The following UNC5C variants were observed in gnomAD, a reference collection of about 807,000 sequenced individuals.
The protein encoded by UNC5C is netrin receptor UNC5C.
In UNC5C, 47 loss-of-function variants were observed where a neutral mutation model predicts 99.8. That is an observed-to-expected ratio of 0.47 (90% CI 0.37 to 0.60). UNC5C has a LOEUF of 0.60. UNC5C is among the 20% of genes least tolerant of loss of function. The probability of loss-of-function intolerance (pLI) is 0.00; values close to 1 mark genes in which losing one functional copy is unlikely to be tolerated. For synonymous variants in UNC5C, 487 were observed against 452.2 expected, an observed-to-expected ratio of 1.08 and a Z score of -0.98; for missense variants, 1,062 against 1,165.9, an observed-to-expected ratio of 0.91 and a Z score of 1.30.
At chr4:95,463,723 AT>A (rs1284916386) in intron 1 of UNC5C, among the ~76,000 whole-genome samples, 2 of 152,192 alleles carry the variant, frequency 1.3e-5, no homozygotes, top group African/African-American at 4.8e-5. Context: ...TTTTAGCAAC[AT>A]TTATATCCAT....
At chr4:95,182,436 C>G (rs1228831711) in intron 14 of UNC5C, among the ~76,000 whole-genome samples, 1 of 151,914 alleles carries the variant, frequency 6.6e-6, no homozygotes, top group Non-Finnish European at 1.5e-5. Context: ...GCAGAGAAGC[C>G]CCTCTCCTTT....
rs115922357 is a variant in UNC5C at position 95,529,900 on chromosome 4, C to G, written c.124+18834G>C. Among the ~76,000 whole-genome samples the G allele has an allele frequency of 9.2e-3, 1,397 of 152,204 alleles. 25 individuals carry two copies. The highest frequency in any genetic ancestry group is 0.032 in the African/African-American group (1,328 of 41,518). On this transcript the variant is annotated intron_variant, in intron 1 of 15. Coordinates refer to ENST00000453304, the MANE Select transcript of UNC5C (RefSeq NM_003728.4). ...TAAGTCAAAATATGCAGACAAATGA[C>G]AAATCATAAAAATTTTACACTCCTT...
intron 1 of UNC5C, among the ~76,000 whole-genome samples, chr4:95,450,537 G>C (rs908701208): frequency 2.6e-5 from 4 of 152,122 alleles, no homozygotes; most frequent in Admixed American, 1.3e-4. Context: ...AAGATCTAAT[G>C]GTTTTGAACT....
intron 1 of UNC5C, among the ~76,000 whole-genome samples, chr4:95,409,490 G>A (rs1418776912): frequency 6.6e-6 from 1 of 152,164 alleles, no homozygotes; most frequent in Non-Finnish European, 1.5e-5. Flanking sequence ...TTTCAAATGT[G>A]CATTAATGTT....
intron 1 of UNC5C, among the ~76,000 whole-genome samples, chr4:95,479,001 A>G (rs1453016352): frequency 6.6e-6 from 1 of 151,910 alleles, no homozygotes; most frequent in African/African-American, 2.4e-5. Flanking sequence ...GCCTTCCGCT[A>G]CTAGTAAAAG....
chr4:95,208,732 G>A (rs775251222), intron 10 of UNC5C, among the ~76,000 whole-genome samples: 2 of 152,158 alleles, frequency 1.3e-5, no homozygotes, highest in African/African-American at 2.4e-5. Flanking sequence ...CCATTAAAAT[G>A]GACATTGTTT....
chr4:95,392,819 A>T (rs1292966789), intron 1 of UNC5C, among the ~76,000 whole-genome samples: 1 of 147,804 alleles, frequency 6.8e-6, no homozygotes, highest in East Asian at 1.9e-4. Context: ...AAGAAAGAAA[A>T]TAAGATAATT....
intron 1 of UNC5C, among the ~76,000 whole-genome samples, chr4:95,427,821 A>G (rs574231368): frequency 6.6e-6 from 1 of 151,930 alleles, no homozygotes; most frequent in East Asian, 1.9e-4. Flanking sequence ...ATTTGCTTCT[A>G]TTTTCTTCTG....
At chr4:95,328,558 T>G (rs1334799607) in intron 2 of UNC5C, among the ~76,000 whole-genome samples, 2 of 142,528 alleles carry the variant, frequency 1.4e-5, no homozygotes, top group Non-Finnish European at 3.1e-5. Context: ...CAGCATGATT[T>G]ATAGTCCTTT....
At chr4:95,442,350 G>A (rs1022034390) in intron 1 of UNC5C, among the ~76,000 whole-genome samples, 24 of 149,766 alleles carry the variant, frequency 1.6e-4, no homozygotes, top group Admixed American at 4.7e-4. Context: ...CTACAGGCAT[G>A]TGCAACCATG....
chr4:95,439,519 C>T (rs900314947), intron 1 of UNC5C, among the ~76,000 whole-genome samples: 1 of 151,880 alleles, frequency 6.6e-6, no homozygotes. Flanking sequence ...AAGAGAAATA[C>T]TTCTGGAAAC....
intron 12 of UNC5C, among the ~76,000 whole-genome samples, chr4:95,199,887 G>A (rs936662261): frequency 6.6e-6 from 1 of 152,150 alleles, no homozygotes; most frequent in African/African-American, 2.4e-5. Context: ...TGCTTTGGAT[G>A]TATCACATTT....
chr4:95,416,768 A>G (rs1431876181), intron 1 of UNC5C, among the ~76,000 whole-genome samples: 1 of 152,224 alleles, frequency 6.6e-6, no homozygotes, highest in African/African-American at 2.4e-5. Flanking sequence ...ATAATTAAAT[A>G]GCTTGTACTT....
intron 15 of UNC5C, among the ~76,000 whole-genome samples, 175 bp from the exon 16 acceptor site, chr4:95,169,574 A>G (rs956886087): frequency 4.6e-5 from 7 of 152,186 alleles, no homozygotes; most frequent in Non-Finnish European, 8.8e-5. Context: ...CAGACAGGGG[A>G]TGTGATGTTT....
chr4:95,190,597 C>T (rs1046556364), intron 12 of UNC5C, among the ~76,000 whole-genome samples: 2 of 152,158 alleles, frequency 1.3e-5, no homozygotes, highest in Non-Finnish European at 2.9e-5. Flanking sequence ...GGATTACAGG[C>T]ATGAGCCACT....
chr4:95,486,334 C>G (rs1391209207), intron 1 of UNC5C, among the ~76,000 whole-genome samples: 1 of 151,562 alleles, frequency 6.6e-6, no homozygotes, highest in Non-Finnish European at 1.5e-5. Flanking sequence ...CTATTGTTTC[C>G]TAATGTATAA....
chr4:95,243,230 C>G (rs1431140232), intron 6 of UNC5C, among the ~76,000 whole-genome samples: 1 of 151,950 alleles, frequency 6.6e-6, no homozygotes, highest in African/African-American at 2.4e-5. Context: ...GTTTCTGTTT[C>G]TATTTTTATT....
At chr4:95,201,107 A>C (rs963193749) in intron 12 of UNC5C, among the ~76,000 whole-genome samples, 7 of 152,282 alleles carry the variant, frequency 4.6e-5, no homozygotes, top group South Asian at 2.1e-4. Context: ...TTCAGCCTCC[A>C]CACTGGAAGT....
intron 1 of UNC5C, among the ~76,000 whole-genome samples, chr4:95,454,584 G>A (rs933418172): frequency 6.6e-6 from 1 of 152,056 alleles, no homozygotes; most frequent in Non-Finnish European, 1.5e-5. Flanking sequence ...CAGTAAATTT[G>A]TTCACAGTTT....
Sources: gnomAD v4.1 joint callset for allele counts (sites outside exome capture counted in the v4.1 genomes callset) on GRCh38, gnomAD v4.1.1 for gene constraint, MANE v1.5 for transcripts, NCBI Gene and HGNC (gene_info 2026-07-23, HGNC 2026-07-21) for gene names.